Variants in ITPR2 observed in about 807,000 individuals in gnomAD.
ITPR2 encodes the protein inositol 1,4,5-trisphosphate receptor type 2.
Under a neutral mutation model 317.1 loss-of-function variants are expected in ITPR2, and 207 were observed. The observed-to-expected ratio is 0.65, with a 90% CI of 0.58 to 0.73. ITPR2 has a LOEUF of 0.73. Among genes scored for constraint, ITPR2 ranks in the 30% least tolerant of loss-of-function variants. The pLI is 0.00. For missense variants in ITPR2, 2,613 were observed against 3,284.0 expected, an observed-to-expected ratio of 0.80 and a Z score of 4.99; for synonymous variants, 1,156 against 1,149.1, an observed-to-expected ratio of 1.01 and a Z score of -0.12.
At chr12:26,728,016 G>A (rs950705767) in intron 2 of ITPR2, among the ~76,000 whole-genome samples, 1 of 152,014 alleles carries the variant, frequency 6.6e-6, no homozygotes, top group Non-Finnish European at 1.5e-5. Flanking sequence ...CCACTGAAGC[G>A]GCAAGATAAA....
At chr12:26,767,661 A>T (rs563590154) in intron 2 of ITPR2, among the ~76,000 whole-genome samples, 1 of 152,352 alleles carries the variant, frequency 6.6e-6, no homozygotes, top group South Asian at 2.1e-4. Flanking sequence ...CCAGAAACGT[A>T]TTATATACAC....
rs80161222 is a variant in ITPR2 at position 26,483,809 on chromosome 12, G to A, written c.5901C>T (p.Thr1967=). 2.1e-3 allele frequency: 3,322 copies of A among 1,614,008 alleles called. 66 individuals are homozygous for A. In the African/African-American group the frequency reaches 0.037, roughly 18 times the overall value. ...AGAGACCCAACAGGCCCAGGCCACCGGTTGTACTTCCACAAATGCAGTCCA... is the reference window on the plus strand; with the variant it reads ...AGAGACCCAACAGGCCCAGGCCACCAGTTGTACTTCCACAAATGCAGTCCA... ...QFLDCICGST[T]GGLGLLGLYI... The change falls in exon 42 of 57, where the codon ACC becomes ACT. Residue 1967 remains threonine, a synonymous_variant. Coordinates refer to ENST00000381340, the MANE Select transcript of ITPR2 (RefSeq NM_002223.4).
chr12:26,399,122 A>G (rs1591990286), intron 53 of ITPR2, 81 bp from the exon 54 acceptor site: 3 of 1,018,014 alleles, frequency 2.9e-6, no homozygotes, highest in Admixed American at 3.6e-5. Flanking sequence ...TATTCAATAA[A>G]TGTTTGTGAA....
intron 1 of ITPR2, among the ~76,000 whole-genome samples, chr12:26,792,597 T>C (rs890248802): frequency 1.3e-5 from 2 of 152,188 alleles, no homozygotes; most frequent in East Asian, 3.9e-4. Context: ...AGTCTTCCAA[T>C]AAATTTTAAG....
intron 32 of ITPR2, among the ~76,000 whole-genome samples, chr12:26,584,907 C>T (rs1164074040): frequency 3.3e-5 from 5 of 152,134 alleles, no homozygotes; most frequent in African/African-American, 7.2e-5. Flanking sequence ...GGTGATATCT[C>T]ATATTTATTT....
chr12:26,500,826 G>A (rs1463538883), intron 37 of ITPR2, among the ~76,000 whole-genome samples: 1 of 152,050 alleles, frequency 6.6e-6, no homozygotes, highest in Non-Finnish European at 1.5e-5. Flanking sequence ...CTAAAATTTT[G>A]TTTCATTTTT....
chr12:26,403,078 G>A (rs1399439249), intron 52 of ITPR2, among the ~76,000 whole-genome samples: 1 of 152,218 alleles, frequency 6.6e-6, no homozygotes, highest in Non-Finnish European at 1.5e-5. Flanking sequence ...GTATCCTGAA[G>A]GGGGTATCAC....
chr12:26,426,638 A>G (rs1421429223), intron 49 of ITPR2, among the ~76,000 whole-genome samples: 1 of 152,118 alleles, frequency 6.6e-6, no homozygotes, highest in Non-Finnish European at 1.5e-5. Flanking sequence ...GATTGAGGAT[A>G]ATTGGTAATT....
chr12:26,494,394 G>T, intron 38 of ITPR2, 54 bp from the exon 39 acceptor site: 2 of 1,106,852 alleles, frequency 1.8e-6, no homozygotes, highest in South Asian at 1.8e-5. Flanking sequence ...TTATTAATAT[G>T]TAAGGTTTTC....
At chr12:26,440,832 G>A (rs11837826) in intron 46 of ITPR2, among the ~76,000 whole-genome samples, 3,688 of 152,218 alleles carry the variant, frequency 0.024, 55 homozygotes, top group African/African-American at 0.04. Context: ...GTCCTTTTAT[G>A]AAATGTTATG....
intron 41 of ITPR2, 80 bp from the exon 42 acceptor site, chr12:26,483,978 C>T (rs7303383): frequency 8.7e-7 from 1 of 1,152,844 alleles, no homozygotes; most frequent in African/African-American, 1.5e-5. Context: ...CATATGTGTG[C>T]TTTTCTAACT....
rs1945329808 is a variant in ITPR2, at chr12:26,578,731, T to C, written c.4612A>G (p.Arg1538Gly). The C allele has an allele frequency of 6.2e-7, 1 of 1,604,308 alleles. No homozygotes were observed. The highest frequency in any genetic ancestry group is 8.5e-7 in the Non-Finnish European group (1 of 1,173,138). The change falls in exon 34 of 57, where the codon AGA (arginine) becomes GGA (glycine). Residue 1538 changes from arginine to glycine, a missense_variant. Physicochemically the swap from Arg to Gly is moderately radical, Grantham distance 125. Transcript: ENST00000381340. ...AQKASVESCI[R>G]TLAEVAKNRG... ...GACTTACCCACTTCAGCCAAAGTTC[T>C]GATACAGGATTCCACTGAGGCTTTC...
intron 1 of ITPR2, among the ~76,000 whole-genome samples, chr12:26,807,513 T>C (rs1950659510): frequency 6.6e-6 from 1 of 152,210 alleles, no homozygotes; most frequent in African/African-American, 2.4e-5. Context: ...CACAATGTCA[T>C]ATGTGGGGAA....
At chr12:26,480,703 G>A (rs1302300362) in intron 43 of ITPR2, among the ~76,000 whole-genome samples, 4 of 152,040 alleles carry the variant, frequency 2.6e-5, no homozygotes. Flanking sequence ...AGCCAGGCAT[G>A]GTGGCGGGCG....
intron 26 of ITPR2, among the ~76,000 whole-genome samples, chr12:26,615,396 G>C (rs533566830): frequency 1.4e-4 from 21 of 152,156 alleles, no homozygotes; most frequent in Non-Finnish European, 2.1e-4. Context: ...AAAGTAAATT[G>C]GTAGAGAAAA....
intron 2 of ITPR2, among the ~76,000 whole-genome samples, chr12:26,742,279 A>G (rs941447330): frequency 2.0e-5 from 3 of 152,236 alleles, no homozygotes; most frequent in Non-Finnish European, 4.4e-5. Context: ...GTAAAAAGTA[A>G]CAAGAAAGAA....
At chr12:26,791,986 C>T (rs1950349511) in intron 1 of ITPR2, among the ~76,000 whole-genome samples, 1 of 152,096 alleles carries the variant, frequency 6.6e-6, no homozygotes, top group South Asian at 2.1e-4. Flanking sequence ...CTATTCATTC[C>T]TTGTACCTGT....
intron 22 of ITPR2, among the ~76,000 whole-genome samples, chr12:26,631,414 T>C: frequency 6.6e-6 from 1 of 152,202 alleles, no homozygotes; most frequent in East Asian, 1.9e-4. Context: ...TTTTTGTTAA[T>C]AAGAAATAAA....
In ITPR2 at chr12:26,715,851, C is replaced by A. The variant is rs373039049; in HGVS notation, c.625-16G>T. 6.5e-7 allele frequency: 1 copy of A among 1,543,296 alleles called. No homozygotes were observed. Among genetic ancestry groups the A allele is most frequent in the African/African-American group, 1.4e-5 (1 of 73,310 alleles). ...CAGCATTCACCTATTAATGAAGAAA[C>A]GTTCAAAGTTATAAGACTACAGATT... On this transcript the variant is annotated splice_polypyrimidine_tract_variant and intron_variant, in intron 6 of 56. Transcript: ENST00000381340.
Sources: allele counts gnomAD v4.1 joint callset (sites outside exome capture counted in the v4.1 genomes callset), GRCh38; gene constraint gnomAD v4.1.1; transcripts MANE v1.5; gene names NCBI Gene and HGNC (gene_info 2026-07-23, HGNC 2026-07-21).